EXTL3: variants seen among roughly 807,000 people sequenced by gnomAD.
EXTL3 encodes the protein exostosin like glycosyltransferase 3.
EXTL3 carries 27 observed loss-of-function variants against 69.3 expected under a neutral mutation model. That is an observed-to-expected ratio of 0.39 (90% CI 0.29 to 0.54). The LOEUF (loss-of-function observed/expected upper bound fraction) is 0.54. Ranked by LOEUF, EXTL3 falls within the 20% of genes least tolerant of loss-of-function variation. EXTL3 has a pLI of 0.69. For synonymous variants in EXTL3, 511 were observed against 499.4 expected, an observed-to-expected ratio of 1.02 and a Z score of -0.31; for missense variants, 1,003 against 1,231.8, an observed-to-expected ratio of 0.81 and a Z score of 2.78.
At chr8:28,620,174 G>A (rs1226208220), upstream of EXTL3, among the ~76,000 whole-genome samples, 3 of 151,862 alleles carry the variant, frequency 2.0e-5, no homozygotes, top group Non-Finnish European at 1.5e-5. Flanking sequence ...CGCCTGGCCG[G>A]CTTCTGATTC....
At chr8:28,641,321 A>G (rs1277965807) in intron 1 of EXTL3, among the ~76,000 whole-genome samples, 3 of 152,210 alleles carry the variant, frequency 2.0e-5, no homozygotes, top group Admixed American at 6.5e-5. Context: ...ACTCACTGTT[A>G]ACTTCACAGG....
At chr8:28,712,127 A>G (rs1175794837) in intron 1 of EXTL3, among the ~76,000 whole-genome samples, 1 of 152,182 alleles carries the variant, frequency 6.6e-6, no homozygotes, top group African/African-American at 2.4e-5. Context: ...TTAAATGGTA[A>G]TGCCAGGAAA....
At chr8:28,676,988 T>C (rs964074106) in intron 1 of EXTL3, among the ~76,000 whole-genome samples, 5 of 152,100 alleles carry the variant, frequency 3.3e-5, no homozygotes, top group Admixed American at 1.3e-4. Context: ...TAGGCTCGTC[T>C]CTTGGCTACA....
intron 6 of EXTL3, among the ~76,000 whole-genome samples, chr8:28,744,813 C>T (rs1449655841): frequency 6.9e-6 from 1 of 144,966 alleles, no homozygotes; most frequent in Non-Finnish European, 1.5e-5. Flanking sequence ...AAAATACACA[C>T]ACACGCACAC....
At chr8:28,680,398 A>C (rs977924364) in intron 1 of EXTL3, among the ~76,000 whole-genome samples, 24 of 152,046 alleles carry the variant, frequency 1.6e-4, no homozygotes, top group Non-Finnish European at 2.8e-4. Context: ...AAAAAAAAAA[A>C]AAAAAAACAG....
upstream of EXTL3, among the ~76,000 whole-genome samples, chr8:28,621,452 A>T (rs953466924): frequency 2.0e-5 from 3 of 152,160 alleles, no homozygotes; most frequent in African/African-American, 7.2e-5. Flanking sequence ...AGCGTCCAGG[A>T]CTGTGAGACA....
rs1278851710 is a variant in EXTL3, at chr8:28,718,066, T to C, written c.2007T>C (p.Thr669=). 5 of 1,613,612 alleles carry C rather than the reference T, an allele frequency of 3.1e-6. No individual in the cohort carries two copies. The African/African-American group carries it at 5.4e-5, about 17-fold the overall frequency. ...AGCAGTTCACGGTGGTGATGTTGAC[T>C]TATGAGCGGGAGGAAGTGCTTATGA... is the stretch of plus-strand genomic sequence containing the variant. ...PREQFTVVML[T]YEREEVLMNS... is the part of the protein sequence containing the mutation. The change falls in exon 3 of 7, where the codon ACT becomes ACC. Residue 669 remains threonine, a synonymous_variant. Transcript: ENST00000220562.
rs1015335218 is a variant in EXTL3 at position 28,754,915 on chromosome 8, G to T, written c.*4049G>T. 5 of 152,194 alleles carry T rather than the reference G, an allele frequency of 3.3e-5. No individual in the cohort carries two copies. The highest frequency in any genetic ancestry group is 1.2e-4 in the African/African-American group (5 of 41,416). 9.4% of individuals were successfully genotyped at this position (152,194 alleles called of 1,614,324 possible). A position where few individuals can be genotyped will look rare whatever the true frequency, so the allele number is the denominator to read the frequency against. On this transcript the variant is annotated 3_prime_UTR_variant, in exon 7 of 7. Transcript: ENST00000220562. ...CCCATCTCTACAAAAAAATTAGAAT[G>T]TTATGAAGATACTGAAAAGAAGAAA...
At chr8:28,678,321 T>TC (rs1180744715) in intron 1 of EXTL3, 9 of 152,212 alleles carry the variant, frequency 5.9e-5, no homozygotes, top group Admixed American at 5.2e-4. Flanking sequence ...TGGATGTCTG[T>TC]CCCCTCCAAA....
In EXTL3 at chr8:28,715,782, A is replaced by G. The variant is rs76490362; in HGVS notation, c.-278A>G. ...CATCATCAGGTACCTCCTCCCTTTC[A>G]TCTCAGCAAGAATGTGGCACCTTTT... On this transcript the variant is annotated 5_prime_UTR_variant, in exon 3 of 7. Transcript: ENST00000220562. 267 of 451,544 alleles carry G rather than the reference A, an allele frequency of 5.9e-4. 5 individuals are homozygous for G. The East Asian group carries it at 6.2e-3, about 11-fold the overall frequency. 28.0% of individuals were successfully genotyped at this position (451,544 alleles called of 1,614,324 possible). A position where few individuals can be genotyped will look rare whatever the true frequency, so the allele number is the denominator to read the frequency against.
intron 1 of EXTL3, among the ~76,000 whole-genome samples, chr8:28,692,506 A>G (rs1233611518): frequency 6.6e-6 from 1 of 152,126 alleles, no homozygotes; most frequent in Non-Finnish European, 1.5e-5. Flanking sequence ...AAACCTATAT[A>G]TTTTTCTTTT....
In EXTL3 at chr8:28,750,878, G is replaced by C. The variant is rs1414615090; in HGVS notation, c.*12G>C. 7 of 1,612,134 alleles carry C rather than the reference G, an allele frequency of 4.3e-6. No individual in the cohort carries two copies. Among genetic ancestry groups the C allele is most frequent in the Non-Finnish European group, 5.9e-6 (7 of 1,178,602 alleles). ...TCAAGTTCATCTAGGGGCAGCGCAC[G>C]GTCTGGGGAAGAGGATGAGCAGAGG... On this transcript the variant is annotated 3_prime_UTR_variant, in exon 7 of 7. Transcript: ENST00000220562. This position sits in a 1 kb window ranked among gnomAD's most constrained non-coding sequence, Gnocchi z 5.2.
At chr8:28,693,787 T>C (rs1800650322) in intron 1 of EXTL3, among the ~76,000 whole-genome samples, 3 of 152,222 alleles carry the variant, frequency 2.0e-5, no homozygotes, top group Non-Finnish European at 4.4e-5. Context: ...TTTTGGCTTT[T>C]TGGCACTGAT....
At position 28,755,057 on chromosome 8, in the gene EXTL3, C is replaced by T. The variant is rs1055044803; in HGVS notation, c.*4191C>T. 1 of 152,202 alleles carries T rather than the reference C, an allele frequency of 6.6e-6. No homozygotes were observed. The highest frequency in any genetic ancestry group is 2.4e-5 in the African/African-American group (1 of 41,438). 9.4% of individuals were successfully genotyped at this position (152,202 alleles called of 1,614,324 possible). ...TTACTATTTTAGGCTCTAATCCCAC[C>T]ATACGGTGGCAAAAGTTGTGCCCAT... On this transcript the variant is annotated 3_prime_UTR_variant, in exon 7 of 7. Transcript: ENST00000220562.
chr8:28,645,304 T>A (rs1806810777), intron 1 of EXTL3, among the ~76,000 whole-genome samples: 1 of 152,240 alleles, frequency 6.6e-6, no homozygotes, highest in South Asian at 2.1e-4. Context: ...CTTATGGAAA[T>A]AATTAAAACT....
In EXTL3 at chr8:28,610,900, G is replaced by A. The variant is rs551589064; in HGVS notation, n.314+3142G>A. ...TGGGATTACAGGCGCCTGCCACCAC[G>A]CCTGGCTAATTTTTGTATCTTTAGT... On this transcript the variant is annotated intron_variant and non_coding_transcript_variant, in intron 2 of 4. Coordinates refer to the EXTL3 transcript ENST00000522725. Among the ~76,000 whole-genome samples the A allele has an allele frequency of 1.3e-3, 204 of 152,014 alleles. 3 individuals carry two copies. The highest frequency in any genetic ancestry group is 4.8e-3 in the African/African-American group (198 of 41,462).
intron 3 of EXTL3, among the ~76,000 whole-genome samples, chr8:28,730,713 G>C (rs1198560548): frequency 1.3e-5 from 2 of 152,176 alleles, no homozygotes; most frequent in African/African-American, 4.8e-5. Context: ...ATTGTAGGTA[G>C]GAATTTCAAA....
chr8:28,716,220 T>C lies in EXTL3; in HGVS notation c.161T>C (p.Leu54Pro). Residue 54 changes from leucine to proline, a missense_variant, in exon 3 of 7, where the codon CTG becomes CCG. Leu to Pro is a moderately conservative substitution (Grantham distance 98). Around this residue, in one of 2 missense-constraint regions of EXTL3, gnomAD observed 742 missense variants for 815.4 expected, o/e 0.91. Coordinates refer to ENST00000220562, the MANE Select transcript of EXTL3 (RefSeq NM_001440.4). This position sits in a 1 kb window ranked among gnomAD's most constrained non-coding sequence, Gnocchi z 7.1. ...ATCGCCCACTATTACCTCACCACTC[T>C]GGATGAGGCTGATGAGGCAGGCAAG... ...PLIAHYYLTT[L>P]DEADEAGKRI... 6.2e-7 allele frequency: 1 copy of C among 1,614,176 alleles called. No individual in the cohort carries two copies. Among genetic ancestry groups the C allele is most frequent in the Non-Finnish European group, 8.5e-7 (1 of 1,180,008 alleles).
intron 1 of EXTL3, among the ~76,000 whole-genome samples, chr8:28,703,082 T>G (rs976711369): frequency 2.0e-5 from 3 of 152,156 alleles, no homozygotes; most frequent in Non-Finnish European, 4.4e-5. Context: ...AAATACCTTA[T>G]CCTGTGGGAA....
Sources: allele counts gnomAD v4.1 joint callset (sites outside exome capture counted in the v4.1 genomes callset), GRCh38; gene constraint gnomAD v4.1.1; regional missense constraint gnomAD v4.1.1; non-coding constraint Gnocchi (gnomAD v3.1); transcripts MANE v1.5; gene names NCBI Gene and HGNC (gene_info 2026-07-23, HGNC 2026-07-21).